PUS10: variants seen among roughly 807,000 people sequenced by gnomAD.
The protein encoded by PUS10 is pseudouridine synthase 10.
A neutral mutation model predicts 75.0 loss-of-function variants in PUS10; 59 were observed. The ratio of observed to expected loss-of-function variants is 0.79; its 90% CI spans 0.64 to 0.98. The LOEUF is 0.98. Ranked by LOEUF, PUS10 falls within the 50% of genes least tolerant of loss-of-function variation. The pLI, the probability that PUS10 is intolerant of heterozygous loss-of-function variation, is 0.00. For synonymous variants in PUS10, 219 were observed against 211.6 expected, an observed-to-expected ratio of 1.03 and a Z score of -0.30; for missense variants, 650 against 614.4, an observed-to-expected ratio of 1.06 and a Z score of -0.61.
At chr2:61,005,791 C>G (rs1418638927) in intron 4 of PUS10, among the ~76,000 whole-genome samples, 3 of 152,174 alleles carry the variant, frequency 2.0e-5, no homozygotes, top group Non-Finnish European at 4.4e-5. Flanking sequence ...ATCATTCTAT[C>G]CAGCTTCAAC....
chr2:60,965,632 G>C (rs1676293980), intron 6 of PUS10, 148 bp from the exon 7 acceptor site: 3 of 554,616 alleles, frequency 5.4e-6, no homozygotes, highest in Non-Finnish European at 9.5e-6. Context: ...AAATCAACTT[G>C]TTATCAGGGC....
At chr2:60,975,001 T>C (rs1168180342) in intron 4 of PUS10, among the ~76,000 whole-genome samples, 2 of 152,250 alleles carry the variant, frequency 1.3e-5, no homozygotes, top group Admixed American at 6.5e-5. Context: ...AGTGCCTGAA[T>C]GTCTCACCAG....
intron 4 of PUS10, among the ~76,000 whole-genome samples, chr2:60,989,081 A>C (rs542101112): frequency 6.6e-6 from 1 of 152,298 alleles, no homozygotes; most frequent in Non-Finnish European, 1.5e-5. Flanking sequence ...AACAGTGGTA[A>C]AGGACTTAGC....
chr2:61,002,117 A>G (rs924838789), intron 4 of PUS10, among the ~76,000 whole-genome samples: 2 of 152,204 alleles, frequency 1.3e-5, no homozygotes, highest in African/African-American at 4.8e-5. Context: ...CAGCACAAGC[A>G]TTACCTATGA....
In PUS10 at chr2:60,987,890, T is replaced by C. The variant is rs116323269; in HGVS notation, c.469-16333A>G. Among the ~76,000 whole-genome samples the C allele has an allele frequency of 7.6e-3, 1,154 of 150,852 alleles. 7 individuals carry two copies. The highest frequency in any genetic ancestry group is 0.011 in the Non-Finnish European group (765 of 67,792). On this transcript the variant is annotated intron_variant, in intron 4 of 17. Coordinates refer to ENST00000316752, the MANE Select transcript of PUS10 (RefSeq NM_144709.4). ...GTGAGCCTAGATCATGCGACTGCAC[T>C]CCAGCCTGGGGGACACAGAGAGCCT... is the stretch of plus-strand genomic sequence containing the variant.
chr2:60,999,643 T>C (rs1371294436), intron 4 of PUS10, among the ~76,000 whole-genome samples: 1 of 152,084 alleles, frequency 6.6e-6, no homozygotes, highest in Non-Finnish European at 1.5e-5. Flanking sequence ...CTATAATAAG[T>C]ATTTTTCTTA....
chr2:60,987,737 A>G (rs942011653), intron 4 of PUS10, among the ~76,000 whole-genome samples: 1 of 152,176 alleles, frequency 6.6e-6, no homozygotes, highest in Non-Finnish European at 1.5e-5. Context: ...AGCTTGGCCA[A>G]CATCACGAAA....
chr2:60,964,314 T>G (rs948904829), intron 8 of PUS10, among the ~76,000 whole-genome samples: 1 of 152,230 alleles, frequency 6.6e-6, no homozygotes, highest in Non-Finnish European at 1.5e-5. Context: ...AACCAACAGA[T>G]GTACATTTGA....
Position 60,960,472 on chromosome 2 carries a change from A to G in PUS10, c.920T>C (p.Ile307Thr). 6.4e-7 allele frequency: 1 copy of G among 1,573,980 alleles called. No homozygotes were observed. The highest frequency in any genetic ancestry group is 8.6e-7 in the Non-Finnish European group (1 of 1,165,260). The stretch of plus-strand genomic sequence containing the variant: ...TTCCAGCTTCCTTTCTCCATCAATT[A>G]TCCAAGGAGTTTGTGGTAGATTCCT... ...YSRNLPQTPW[I>T]IDGERKLESS... Residue 307 changes from isoleucine to threonine, a missense_variant, in exon 11 of 18, where the codon ATA becomes ACA. Ile to Thr is a moderately conservative substitution (Grantham distance 89). Transcript: ENST00000316752.
At chr2:61,010,625 A>G in intron 2 of PUS10, 1 of 761,800 alleles carries the variant, frequency 1.3e-6, no homozygotes, top group South Asian at 2.0e-5. Flanking sequence ...GCACCCAGCC[A>G]ATTTCTGGTT....
intron 15 of PUS10, among the ~76,000 whole-genome samples, chr2:60,949,833 G>T (rs914549743): frequency 1.3e-5 from 2 of 152,012 alleles, no homozygotes; most frequent in Non-Finnish European, 2.9e-5. Flanking sequence ...GCTCACTGTG[G>T]CCTCGACCTC....
chr2:61,005,093 A>G (rs992726507), intron 4 of PUS10, among the ~76,000 whole-genome samples: 1 of 152,142 alleles, frequency 6.6e-6, no homozygotes, highest in African/African-American at 2.4e-5. Context: ...CGTCTCTACT[A>G]AAAATACAAA....
chr2:61,008,648 A>G (rs1679394710), intron 3 of PUS10, 113 bp downstream of exon 3: 9 of 886,220 alleles, frequency 1.0e-5, no homozygotes, highest in South Asian at 1.9e-5. Context: ...CAACAGAATG[A>G]GACCCAAAAA....
intron 4 of PUS10, among the ~76,000 whole-genome samples, chr2:60,983,518 A>C (rs1677535271): frequency 6.6e-6 from 1 of 152,062 alleles, no homozygotes; most frequent in African/African-American, 2.4e-5. Flanking sequence ...TCTCTACTAA[A>C]AAATACAAAA....
At chr2:60,969,164 A>G (rs944100814) in intron 5 of PUS10, among the ~76,000 whole-genome samples, 4 of 152,258 alleles carry the variant, frequency 2.6e-5, no homozygotes, top group Non-Finnish European at 4.4e-5. Context: ...CAGTGTTTTA[A>G]ATCCTTCACA....
chr2:61,018,065 G>GT lies in PUS10; in HGVS notation c.-74dup, dbSNP rs1479895040. The GT allele has an allele frequency of 2.0e-6, 3 of 1,499,554 alleles. No individual in the cohort carries two copies. The highest frequency in any genetic ancestry group is 1.3e-5 in the South Asian group (1 of 77,358). The allele number at this position is 1,499,554 out of a possible 1,614,324, so 92.9% of individuals were successfully genotyped here. A position where few individuals can be genotyped will look rare whatever the true frequency, so the allele number is the denominator to read the frequency against. On this transcript the variant is annotated 5_prime_UTR_variant, in exon 1 of 18. Transcript: ENST00000316752. ...TGACCCGGCAGCTCTAATCAGCAACGTTTTTTTCGGGAGCTCCTGGGCGTC... is the reference window on the plus strand; with the variant it reads ...TGACCCGGCAGCTCTAATCAGCAACGTTTTTTTTCGGGAGCTCCTGGGCGTC...
chr2:61,014,353 T>C (rs1313048707), intron 1 of PUS10, among the ~76,000 whole-genome samples: 1 of 152,158 alleles, frequency 6.6e-6, no homozygotes, highest in Non-Finnish European at 1.5e-5. Context: ...CACTCCAGCC[T>C]GGGCAATAAG....
chr2:60,975,613 T>C (rs937117775), intron 4 of PUS10, among the ~76,000 whole-genome samples: 5 of 151,058 alleles, frequency 3.3e-5, no homozygotes, highest in Non-Finnish European at 5.9e-5. Flanking sequence ...TAGGCACTGT[T>C]ATTAAACTGT....
At chr2:61,007,595 C>T (rs1257193512) in intron 3 of PUS10, among the ~76,000 whole-genome samples, 1 of 151,812 alleles carries the variant, frequency 6.6e-6, no homozygotes, top group Non-Finnish European at 1.5e-5. Context: ...ATGGTGAAAC[C>T]CCGTCTCTAC....
Sources: allele counts gnomAD v4.1 joint callset (sites outside exome capture counted in the v4.1 genomes callset), GRCh38; gene constraint gnomAD v4.1.1; transcripts MANE v1.5; gene names NCBI Gene and HGNC (gene_info 2026-07-23, HGNC 2026-07-21).